The following DIAPH2 variants were observed in gnomAD, a reference collection of about 807,000 sequenced individuals.
The protein encoded by DIAPH2 is diaphanous related formin 2.
Under a neutral mutation model 92.7 loss-of-function variants are expected in DIAPH2, and 35 were observed. That is an observed-to-expected ratio of 0.38 (90% confidence interval 0.29 to 0.50). DIAPH2 has a LOEUF of 0.50. Ranked by LOEUF, DIAPH2 falls within the 20% of genes least tolerant of loss-of-function variation. The pLI is 0.94. For missense variants in DIAPH2, 701 were observed against 819.5 expected, an observed-to-expected ratio of 0.86 and a Z score of 1.77; for synonymous variants, 301 against 280.4, an observed-to-expected ratio of 1.07 and a Z score of -0.73.
At position 97,241,185 on chromosome X, in the gene DIAPH2, T is replaced by C. The variant is rs144475355; in HGVS notation, c.2720-6530T>C. On this transcript the variant is annotated intron_variant, in intron 22 of 26. Coordinates refer to ENST00000324765, the MANE Select transcript of DIAPH2 (RefSeq NM_006729.5). ...CTCCTTAAGAGTAGTGCATACCTTA[T>C]AGAATTTTTGTATTAGATAAGTTAA... Among the ~76,000 whole-genome samples the C allele has an allele frequency of 6.0e-3, 674 of 112,572 alleles. 2 individuals are homozygous for C. The highest frequency in any genetic ancestry group is 0.02 in the African/African-American group (635 of 31,021).
intron 9 of DIAPH2, among the ~76,000 whole-genome samples, chrX:96,925,575 T>G (rs947676468): frequency 9.0e-6 from 1 of 111,573 alleles, no homozygotes; most frequent in African/African-American, 3.3e-5. Context: ...TGGCCCCGTT[T>G]AAATTATCTT....
chrX:96,974,817 T>C (rs1393884423), intron 17 of DIAPH2, among the ~76,000 whole-genome samples: 3 of 111,202 alleles, frequency 2.7e-5, no homozygotes, highest in Non-Finnish European at 5.7e-5. Context: ...TATATAAGAT[T>C]TAAAGTAATG....
chrX:96,973,024 A>G (rs767972086), intron 17 of DIAPH2, among the ~76,000 whole-genome samples: 1 of 110,693 alleles, frequency 9.0e-6, no homozygotes, highest in Admixed American at 9.6e-5. Context: ...GTGTGATGAG[A>G]CATTTGCCTT....
intron 26 of DIAPH2, among the ~76,000 whole-genome samples, chrX:97,449,033 A>G (rs2070336382): frequency 8.9e-6 from 1 of 112,131 alleles, no homozygotes; most frequent in Admixed American, 9.5e-5. Context: ...GCTGCATGCT[A>G]TTGACAGTAT....
At chrX:97,053,432 A>C (rs2066534673) in intron 17 of DIAPH2, among the ~76,000 whole-genome samples, 1 of 111,670 alleles carries the variant, frequency 9.0e-6, no homozygotes, top group Non-Finnish European at 1.9e-5. Context: ...ACAGAAATTA[A>C]GGTGACCCCT....
chrX:97,523,903 C>T lies in DIAPH2; in HGVS notation c.3242-75350C>T, dbSNP rs6615911. Among the ~76,000 whole-genome samples the T allele has an allele frequency of 4.3e-3, 483 of 111,575 alleles. 18 individuals carry two copies. The East Asian group carries it at 0.1, about 24-fold the overall frequency. On this transcript the variant is annotated intron_variant, in intron 26 of 26. Coordinates refer to ENST00000324765, the MANE Select transcript of DIAPH2 (RefSeq NM_006729.5). ...ATTTCATATCAGAAATAAGAATTAA[C>T]TAGATATTTTTGAAATCATGAGTAA...
intron 1 of DIAPH2, among the ~76,000 whole-genome samples, chrX:96,731,784 T>A (rs938532070): frequency 9.0e-6 from 1 of 111,486 alleles, no homozygotes; most frequent in African/African-American, 3.3e-5. Context: ...TTAATATAGC[T>A]GATCATAAAT....
At chrX:96,704,438 T>C (rs770455620) in intron 1 of DIAPH2, among the ~76,000 whole-genome samples, 8 of 112,078 alleles carry the variant, frequency 7.1e-5, no homozygotes, top group African/African-American at 2.6e-4. Context: ...TTGCTACTGA[T>C]GTTGCCTTGG....
chrX:97,604,618 T>A lies in DIAPH2; in HGVS notation c.*5301T>A, dbSNP rs2071610638. 1 of 112,243 alleles carries A rather than the reference T, an allele frequency of 8.9e-6. No homozygotes were observed. The highest frequency in any genetic ancestry group is 9.5e-5 in the Admixed American group (1 of 10,556). The allele number at this position is 112,243 out of a possible 1,213,427, so 9.3% of individuals were successfully genotyped here. ...CTATGGGCAATTAACTTGAAAAAAATAATCGATCCCAACTCTGTGCTCTGA... is the reference window on the plus strand; with the variant it reads ...CTATGGGCAATTAACTTGAAAAAAAAAATCGATCCCAACTCTGTGCTCTGA... On this transcript the variant is annotated 3_prime_UTR_variant, in exon 27 of 27. Coordinates refer to ENST00000324765, the MANE Select transcript of DIAPH2 (RefSeq NM_006729.5).
At chrX:97,317,346 C>G (rs776159626) in intron 23 of DIAPH2, among the ~76,000 whole-genome samples, 1 of 111,692 alleles carries the variant, frequency 9.0e-6, no homozygotes, top group East Asian at 2.8e-4. Flanking sequence ...TCTAACGGTG[C>G]AAGGACATTT....
chrX:96,786,358 A>G (rs1211703936), intron 4 of DIAPH2, among the ~76,000 whole-genome samples: 1 of 111,964 alleles, frequency 8.9e-6, no homozygotes, highest in African/African-American at 3.2e-5. Context: ...ACTGTGGAGA[A>G]AGGGGCTTCA....
intron 17 of DIAPH2, among the ~76,000 whole-genome samples, chrX:96,991,177 C>T (rs934316519): frequency 9.2e-6 from 1 of 109,125 alleles, no homozygotes; most frequent in African/African-American, 3.4e-5. Flanking sequence ...TGCAATGGCA[C>T]GATCTCAGCT....
At chrX:96,975,118 T>C (rs2065952498) in intron 17 of DIAPH2, among the ~76,000 whole-genome samples, 1 of 111,802 alleles carries the variant, frequency 8.9e-6, no homozygotes, top group African/African-American at 3.3e-5. Flanking sequence ...CATATAAATG[T>C]CATTTTGCAG....
At chrX:96,936,127 T>G (rs759356895) in intron 10 of DIAPH2, among the ~76,000 whole-genome samples, 1 of 112,113 alleles carries the variant, frequency 8.9e-6, no homozygotes, top group African/African-American at 3.2e-5. Flanking sequence ...TTACTTGTTA[T>G]GTTTTATATG....
rs1321796323 is a variant in DIAPH2, at chrX:96,684,880, G to T, written c.-179G>T. 2.1e-6 allele frequency: 1 copy of T among 479,347 alleles called. No homozygotes were observed. The highest frequency in any genetic ancestry group is 3.0e-6 in the Non-Finnish European group (1 of 338,050). 39.5% of individuals were successfully genotyped at this position (479,347 alleles called of 1,213,427 possible). A position where few individuals can be genotyped will look rare whatever the true frequency, so the allele number is the denominator to read the frequency against. ...GTAGTGGCAACGGCGTGGTTGCGTCGGGGGTGCCTGGGAGCCTGGAGTCCC... is the reference window on the plus strand; with the variant it reads ...GTAGTGGCAACGGCGTGGTTGCGTCTGGGGTGCCTGGGAGCCTGGAGTCCC... On this transcript the variant is annotated 5_prime_UTR_variant, in exon 1 of 27. Coordinates refer to ENST00000324765, the MANE Select transcript of DIAPH2 (RefSeq NM_006729.5).
chrX:97,318,477 CT>C (rs1188601741), intron 23 of DIAPH2, among the ~76,000 whole-genome samples: 1 of 65,552 alleles, frequency 1.5e-5, no homozygotes, highest in Admixed American at 1.8e-4. Flanking sequence ...CTTTTTTTTT[CT>C]TTACTTTTTT....
intron 26 of DIAPH2, among the ~76,000 whole-genome samples, chrX:97,530,527 G>A (rs1342287656): frequency 9.0e-6 from 1 of 111,313 alleles, no homozygotes. Context: ...TACTCCAGCT[G>A]CCTATAAATG....
chrX:97,203,694 A>G (rs1325956123), intron 22 of DIAPH2, among the ~76,000 whole-genome samples: 6 of 111,800 alleles, frequency 5.4e-5, no homozygotes, highest in Non-Finnish European at 1.9e-5. Context: ...CATACCAACC[A>G]AAAAAGCCCC....
intron 22 of DIAPH2, among the ~76,000 whole-genome samples, chrX:97,149,806 A>G (rs2067273660): frequency 9.2e-6 from 1 of 108,856 alleles, no homozygotes; most frequent in South Asian, 4.0e-4. Flanking sequence ...TATCAATAGC[A>G]ACACCATAAA....
Sources: allele counts gnomAD v4.1 joint callset (sites outside exome capture counted in the v4.1 genomes callset), GRCh38; gene constraint gnomAD v4.1.1; transcripts MANE v1.5; gene names NCBI Gene and HGNC (gene_info 2026-07-23, HGNC 2026-07-21).